The following DOCK1 variants were observed in gnomAD, a reference collection of about 807,000 sequenced individuals.
DOCK1 encodes the protein dedicator of cytokinesis 1, also known as dedicator of cytokinesis protein 1.
Under a neutral mutation model 262.7 loss-of-function variants are expected in DOCK1, and 138 were observed. The ratio of observed to expected loss-of-function variants is 0.53; its 90% CI spans 0.46 to 0.61. DOCK1 has a LOEUF of 0.61. Ranked by LOEUF, DOCK1 falls within the 20% of genes least tolerant of loss-of-function variation. DOCK1 has a pLI of 0.00. For synonymous variants in DOCK1, 866 were observed against 867.4 expected (o/e 1.00, Z 0.03); for missense variants, 1,908 against 2,370.7 (o/e 0.80, Z 4.05).
At chr10:127,238,045 C>A (rs1003608662) in intron 27 of DOCK1, among the ~76,000 whole-genome samples, 2 of 152,194 alleles carry the variant, frequency 1.3e-5, no homozygotes, top group Non-Finnish European at 2.9e-5. Flanking sequence ...GTCACAGACA[C>A]AGGGACACAT....
intron 49 of DOCK1, among the ~76,000 whole-genome samples, chr10:127,441,921 A>G (rs1591076361): frequency 6.6e-6 from 1 of 152,202 alleles, no homozygotes; most frequent in South Asian, 2.1e-4. Context: ...TCTCTGAGTC[A>G]GAATGTGCCC....
intron 1 of DOCK1, among the ~76,000 whole-genome samples, chr10:126,967,686 T>C (rs1283729836): frequency 6.6e-6 from 1 of 152,194 alleles, no homozygotes; most frequent in Non-Finnish European, 1.5e-5. Context: ...TTTTGCCTCT[T>C]TCTTGCATCT....
chr10:127,180,084 C>T (rs1023268), intron 27 of DOCK1, among the ~76,000 whole-genome samples: 4,298 of 152,288 alleles, frequency 0.028, 84 homozygotes, highest in Middle Eastern at 0.048. Context: ...TAACCCACTA[C>T]CCCTGCTCAA....
intron 27 of DOCK1, among the ~76,000 whole-genome samples, chr10:127,205,270 C>A (rs1053897441): frequency 6.6e-6 from 1 of 151,940 alleles, no homozygotes; most frequent in East Asian, 1.9e-4. Flanking sequence ...CCTTTTTGGT[C>A]CGTGGGTGTT....
At chr10:127,290,118 A>G (rs1302638117) in intron 29 of DOCK1, among the ~76,000 whole-genome samples, 3 of 150,414 alleles carry the variant, frequency 2.0e-5, no homozygotes, top group South Asian at 2.1e-4. Flanking sequence ...GTTTCCGTGG[A>G]TGTGTTTCTG....
At chr10:126,996,695 A>G (rs1440401848) in intron 6 of DOCK1, 53 bp from the exon 7 acceptor site, 21 of 1,506,298 alleles carry the variant, frequency 1.4e-5, no homozygotes, top group Non-Finnish European at 1.9e-5. Context: ...GTGCTAGAAA[A>G]TTCAGCCTCC....
chr10:127,118,671 C>T (rs1488205625), intron 25 of DOCK1, among the ~76,000 whole-genome samples: 1 of 152,178 alleles, frequency 6.6e-6, no homozygotes, highest in Admixed American at 6.5e-5. Context: ...TTCCATGATA[C>T]TGAATACCTC....
At chr10:126,975,075 T>A (rs1228981177) in intron 2 of DOCK1, among the ~76,000 whole-genome samples, 1 of 152,014 alleles carries the variant, frequency 6.6e-6, no homozygotes. Flanking sequence ...TCGTGCTGTT[T>A]GGTGTGCATC....
intron 33 of DOCK1, among the ~76,000 whole-genome samples, chr10:127,371,411 G>A (rs1476075521): frequency 6.6e-6 from 1 of 152,206 alleles, no homozygotes; most frequent in Non-Finnish European, 1.5e-5. Context: ...AATTTGATCA[G>A]CAGCATACCT....
At chr10:126,978,099 C>G in intron 3 of DOCK1, 111 bp downstream of exon 3, 3 of 1,080,842 alleles carry the variant, frequency 2.8e-6, no homozygotes, top group Non-Finnish European at 4.2e-6. Flanking sequence ...ATCTCTTTCT[C>G]TGAATTTAAA....
chr10:127,142,696 C>T (rs1404836411), intron 27 of DOCK1, among the ~76,000 whole-genome samples: 1 of 152,168 alleles, frequency 6.6e-6, no homozygotes, highest in East Asian at 1.9e-4. Flanking sequence ...TTGTAGCCCT[C>T]TCGCTGCCTG....
chr10:127,367,724 T>C (rs1204114542), intron 33 of DOCK1, among the ~76,000 whole-genome samples: 1 of 152,156 alleles, frequency 6.6e-6, no homozygotes, highest in Non-Finnish European at 1.5e-5. Flanking sequence ...TCCATAGCCA[T>C]AGAGCTCCGG....
chr10:126,952,780 T>C (rs1327770327), intron 1 of DOCK1, among the ~76,000 whole-genome samples: 1 of 152,292 alleles, frequency 6.6e-6, no homozygotes, highest in Non-Finnish European at 1.5e-5. Flanking sequence ...GTGGTAGTAT[T>C]GTTGGTAGTG....
chr10:127,213,020 C>T (rs896359355), intron 27 of DOCK1, among the ~76,000 whole-genome samples: 2 of 152,190 alleles, frequency 1.3e-5, no homozygotes, highest in Non-Finnish European at 2.9e-5. Context: ...TCATTCTTCT[C>T]CCCCATCCCC....
chr10:126,956,884 T>TGG (rs1472267835), intron 1 of DOCK1, among the ~76,000 whole-genome samples: 7,050 of 152,016 alleles, frequency 0.046, 560 homozygotes, highest in African/African-American at 0.16. Flanking sequence ...GCCTGAGCAG[T>TGG]GGGGGGCCAC....
intron 1 of DOCK1, among the ~76,000 whole-genome samples, chr10:126,963,301 T>C (rs2037368302): frequency 6.6e-6 from 1 of 152,196 alleles, no homozygotes; most frequent in African/African-American, 2.4e-5. Context: ...ATTGACATCT[T>C]AACAATATTA....
intron 23 of DOCK1, among the ~76,000 whole-genome samples, chr10:127,077,266 G>A (rs963580549): frequency 6.6e-6 from 1 of 151,956 alleles, no homozygotes; most frequent in Non-Finnish European, 1.5e-5. Context: ...GTGGTGGTGG[G>A]CTCCTGTAAT....
chr10:126,909,462 G>T (rs982956879), intron 1 of DOCK1, among the ~76,000 whole-genome samples: 6 of 152,188 alleles, frequency 3.9e-5, no homozygotes, highest in African/African-American at 1.4e-4. Flanking sequence ...TACGGCAGCA[G>T]TGGAAAACTA....
rs116398862 is a variant in DOCK1 at position 127,228,193 on chromosome 10, C to T, written c.2848-19815C>T. ...AAAAACAAGCCATATTTGCCTCCTG[C>T]CTGTTTTCCTTATGAGGGAATTATG... On this transcript the variant is annotated intron_variant, in intron 27 of 51. Coordinates refer to ENST00000623213, the MANE Select transcript of DOCK1 (RefSeq NM_001290223.2). Among the ~76,000 whole-genome samples, 922 of 152,274 alleles carry T rather than the reference C, an allele frequency of 6.1e-3. 15 individuals carry two copies. The highest frequency in any genetic ancestry group is 0.021 in the African/African-American group (877 of 41,556).
Sources: allele counts gnomAD v4.1 joint callset (sites outside exome capture counted in the v4.1 genomes callset), GRCh38; gene constraint gnomAD v4.1.1; transcripts MANE v1.5; gene names NCBI Gene and HGNC (gene_info 2026-07-23, HGNC 2026-07-21).